PDZRN3: variants seen among roughly 807,000 people sequenced by gnomAD.
PDZRN3 encodes the protein PDZ domain containing ring finger 3.
PDZRN3 carries 38 observed loss-of-function variants against 85.7 expected under a neutral mutation model. The ratio of observed to expected loss-of-function variants is 0.44; its 90% CI spans 0.34 to 0.58. The LOEUF is 0.58. Among genes scored for constraint, PDZRN3 ranks in the 20% least tolerant of loss-of-function variants. The pLI is 0.01. For missense variants in PDZRN3, 1,629 were observed against 1,506.4 expected (o/e 1.08, Z -1.35); for synonymous variants, 759 against 638.0 (o/e 1.19, Z -2.86).
chr3:73,554,141 A>G (rs547787527), intron 3 of PDZRN3, among the ~76,000 whole-genome samples: 1 of 152,156 alleles, frequency 6.6e-6, no homozygotes, highest in South Asian at 2.1e-4. Context: ...AATGGCCACC[A>G]CTTAGGTCAG....
chr3:73,587,109 A>G (rs915299438), intron 3 of PDZRN3, among the ~76,000 whole-genome samples: 1 of 152,258 alleles, frequency 6.6e-6, no homozygotes, highest in Non-Finnish European at 1.5e-5. Context: ...ACGAAGGCAC[A>G]GCCCTATCCT....
At position 73,510,379 on chromosome 3, in the gene PDZRN3, A is replaced by G. The variant is rs1231747667; in HGVS notation, c.918+91975T>C. 3.3e-5 allele frequency among the ~76,000 whole-genome samples: 5 copies of G among 152,354 alleles called. No individual in the cohort carries two copies. The East Asian group carries it at 7.7e-4, about 24-fold the overall frequency. On this transcript the variant is annotated intron_variant, in intron 3 of 9. Transcript: ENST00000263666. ...TACCCGAGAAGAAACACTAGCACAT[A>G]TACACGCACAAGGAAAAAGGTCTAT... is the stretch of plus-strand genomic sequence containing the variant.
At chr3:73,545,199 G>A (rs762660609) in intron 3 of PDZRN3, among the ~76,000 whole-genome samples, 2 of 152,138 alleles carry the variant, frequency 1.3e-5, no homozygotes, top group African/African-American at 2.4e-5. Context: ...CCCCCACCAC[G>A]ACGGATGGTG....
rs968178194 is a variant in PDZRN3 at position 73,538,309 on chromosome 3, C to T, written c.918+64045G>A. The stretch of plus-strand genomic sequence containing the variant: ...GCAGAGAACACGCATGCACTACATA[C>T]ACTTTAAGTACACTGTGGTTGTCTC... On this transcript the variant is annotated intron_variant, in intron 3 of 9. Coordinates refer to ENST00000263666, the MANE Select transcript of PDZRN3 (RefSeq NM_015009.3). Among the ~76,000 whole-genome samples the T allele has an allele frequency of 3.3e-5, 5 of 152,210 alleles. No homozygotes were observed. In the South Asian group the frequency reaches 1.0e-3, roughly 32 times the overall value.
At chr3:73,408,183 T>C (rs753394053) in intron 3 of PDZRN3, 7 of 703,106 alleles carry the variant, frequency 1.0e-5, no homozygotes, top group South Asian at 5.9e-5. Flanking sequence ...GGGACAGCAA[T>C]TGTGGGATGA....
At chr3:73,457,954 G>A (rs1484566333) in intron 3 of PDZRN3, among the ~76,000 whole-genome samples, 1 of 152,142 alleles carries the variant, frequency 6.6e-6, no homozygotes, top group African/African-American at 2.4e-5. Context: ...CTATTTTATG[G>A]CATGTTGTTA....
chr3:73,446,184 G>A (rs1275325332), intron 3 of PDZRN3, among the ~76,000 whole-genome samples: 3 of 151,960 alleles, frequency 2.0e-5, no homozygotes, highest in Non-Finnish European at 4.4e-5. Flanking sequence ...AGGGGTCCCC[G>A]TCAGCACTCT....
intron 5 of PDZRN3, among the ~76,000 whole-genome samples, chr3:73,394,939 G>GT (rs1701605211): frequency 2.0e-5 from 3 of 152,240 alleles, no homozygotes; most frequent in African/African-American, 7.2e-5. Flanking sequence ...AAAGATTACA[G>GT]TAAGGCAATA....
At chr3:73,479,163 C>G (rs1380281154) in intron 3 of PDZRN3, among the ~76,000 whole-genome samples, 1 of 152,106 alleles carries the variant, frequency 6.6e-6, no homozygotes, top group Non-Finnish European at 1.5e-5. Context: ...TTTTAAAGAT[C>G]TCATTTCTTT....
At chr3:73,523,043 G>T (rs1343705283) in intron 3 of PDZRN3, among the ~76,000 whole-genome samples, 1 of 152,082 alleles carries the variant, frequency 6.6e-6, no homozygotes, top group African/African-American at 2.4e-5. Flanking sequence ...TGTTTTTTGA[G>T]AAGAAGTCTC....
In PDZRN3 at chr3:73,496,739, C is replaced by T. The variant is rs1007351584; in HGVS notation, c.919-92344G>A. On this transcript the variant is annotated intron_variant, in intron 3 of 9. Coordinates refer to ENST00000263666, the MANE Select transcript of PDZRN3 (RefSeq NM_015009.3). ...TTAAAAAGATACAAACCCAAGAAAA[C>T]CCCACATTATTTAAAAAATATTTTA... is the stretch of plus-strand genomic sequence containing the variant. Among the ~76,000 whole-genome samples, 5 of 152,200 alleles carry T rather than the reference C, an allele frequency of 3.3e-5. No individual in the cohort carries two copies. In the South Asian group the frequency reaches 6.2e-4, roughly 19 times the overall value.
intron 5 of PDZRN3, among the ~76,000 whole-genome samples, chr3:73,398,548 T>C (rs1362355692): frequency 1.3e-5 from 2 of 152,150 alleles, no homozygotes; most frequent in Non-Finnish European, 1.5e-5. Context: ...AGGCTGCTGG[T>C]CCTCCTACCA....
intron 3 of PDZRN3, among the ~76,000 whole-genome samples, chr3:73,573,333 C>T (rs1439077174): frequency 2.0e-5 from 3 of 152,114 alleles, no homozygotes; most frequent in Non-Finnish European, 2.9e-5. Flanking sequence ...TCTGGGAAGA[C>T]GAGGAGGCAA....
At chr3:73,404,081 A>G (rs1162976054) in intron 4 of PDZRN3, 67 bp downstream of exon 4, 1 of 1,491,986 alleles carries the variant, frequency 6.7e-7, no homozygotes, top group African/African-American at 1.4e-5. Context: ...TTCACCACAT[A>G]GAAGAGAAAG....
At chr3:73,500,246 A>G (rs1299394850) in intron 3 of PDZRN3, among the ~76,000 whole-genome samples, 7 of 152,128 alleles carry the variant, frequency 4.6e-5, no homozygotes, top group Admixed American at 3.3e-4. Flanking sequence ...ACTGGGTCTC[A>G]CTATATTGCC....
At chr3:73,458,476 TTAAAG>T (rs934018017) in intron 3 of PDZRN3, among the ~76,000 whole-genome samples, 8 of 150,688 alleles carry the variant, frequency 5.3e-5, no homozygotes, top group Non-Finnish European at 1.2e-4. Context: ...TTTTTCCCAT[TTAAAG>T]TAATTTTTCT....
intron 3 of PDZRN3, among the ~76,000 whole-genome samples, chr3:73,555,315 G>T (rs541607080): frequency 6.6e-6 from 1 of 152,046 alleles, no homozygotes; most frequent in Non-Finnish European, 1.5e-5. Context: ...GGAAGCTCTC[G>T]GAAGAAACAC....
chr3:73,410,045 CA>C (rs1559663302), intron 3 of PDZRN3, among the ~76,000 whole-genome samples: 1 of 152,064 alleles, frequency 6.6e-6, no homozygotes. Context: ...TAATTAAATA[CA>C]GGGGGAGTGA....
At chr3:73,555,470 C>G (rs376798336) in intron 3 of PDZRN3, among the ~76,000 whole-genome samples, 8 of 152,204 alleles carry the variant, frequency 5.3e-5, no homozygotes, top group African/African-American at 1.9e-4. Context: ...GAATCCAACT[C>G]TCTGAAGTAA....
Sources: allele counts gnomAD v4.1 joint callset (sites outside exome capture counted in the v4.1 genomes callset), GRCh38; gene constraint gnomAD v4.1.1; transcripts MANE v1.5; gene names NCBI Gene and HGNC (gene_info 2026-07-23, HGNC 2026-07-21).